FGF12: variants seen among roughly 807,000 people sequenced by gnomAD.
FGF12 encodes the protein fibroblast growth factor 12.
Under a neutral mutation model 23.6 loss-of-function variants are expected in FGF12, and 14 were observed. That is an observed-to-expected ratio of 0.59 (90% CI 0.39 to 0.93). FGF12 has a LOEUF of 0.93. Among genes scored for constraint, FGF12 ranks in the 40% least tolerant of loss-of-function variants. The pLI, the probability that FGF12 is intolerant of heterozygous loss-of-function variation, is 0.00. For synonymous variants in FGF12, 62 were observed against 77.3 expected, an observed-to-expected ratio of 0.80 and a Z score of 1.04; for missense variants, 175 against 217.8, an observed-to-expected ratio of 0.80 and a Z score of 1.24.
chr3:192,446,163 AC>A (rs1249718107), intron 2 of FGF12, among the ~76,000 whole-genome samples: 33 of 152,200 alleles, frequency 2.2e-4, no homozygotes, highest in African/African-American at 8.0e-4. Flanking sequence ...GTGAGACTAT[AC>A]CCAGACACTG....
intron 2 of FGF12, among the ~76,000 whole-genome samples, chr3:192,561,972 T>G (rs191625384): frequency 3.6e-4 from 55 of 151,824 alleles, no homozygotes; most frequent in African/African-American, 1.3e-3. Context: ...GAAGCTTTAT[T>G]CAAGTTAGTA....
intron 4 of FGF12, among the ~76,000 whole-genome samples, chr3:192,280,635 A>G (rs549389856): frequency 1.3e-5 from 2 of 152,168 alleles, no homozygotes; most frequent in South Asian, 4.1e-4. Context: ...TTTTTCTCAC[A>G]ACGAACCCAT....
intron 2 of FGF12, among the ~76,000 whole-genome samples, chr3:192,707,377 G>A (rs1289778992): frequency 6.6e-6 from 1 of 152,136 alleles, no homozygotes; most frequent in Non-Finnish European, 1.5e-5. Context: ...TGTCAAGAAG[G>A]AAGAGAACCA....
At chr3:192,595,725 T>TAG (rs1038943684) in intron 2 of FGF12, among the ~76,000 whole-genome samples, 1 of 152,200 alleles carries the variant, frequency 6.6e-6, no homozygotes, top group African/African-American at 2.4e-5. Context: ...TTGGTCTTGG[T>TAG]AGATTAGAAG....
chr3:192,638,630 T>C (rs1715673324), intron 2 of FGF12, among the ~76,000 whole-genome samples: 1 of 152,240 alleles, frequency 6.6e-6, no homozygotes, highest in South Asian at 2.1e-4. Context: ...AGCAATTGAA[T>C]AATACATTTT....
At chr3:192,596,501 A>G (rs531739952) in intron 2 of FGF12, among the ~76,000 whole-genome samples, 9 of 152,144 alleles carry the variant, frequency 5.9e-5, no homozygotes, top group African/African-American at 2.2e-4. Context: ...TGAATAGGGT[A>G]TGTGTATTAC....
chr3:192,690,310 A>T (rs867627812), intron 2 of FGF12, among the ~76,000 whole-genome samples: 26 of 152,000 alleles, frequency 1.7e-4, no homozygotes, highest in African/African-American at 6.3e-4. Context: ...CACTATAAAG[A>T]TTGAAAGGAA....
chr3:192,312,831 T>C (rs1310134639), intron 4 of FGF12, among the ~76,000 whole-genome samples: 2 of 152,120 alleles, frequency 1.3e-5, no homozygotes, highest in Non-Finnish European at 2.9e-5. Context: ...CCTAACAATT[T>C]AAATATTTTA....
intron 2 of FGF12, among the ~76,000 whole-genome samples, chr3:192,640,641 A>T (rs1170499067): frequency 6.6e-6 from 1 of 152,206 alleles, no homozygotes; most frequent in Non-Finnish European, 1.5e-5. Context: ...AAAATGTGTT[A>T]AAAACTTGAG....
At chr3:192,642,609 A>G (rs749555118) in intron 2 of FGF12, among the ~76,000 whole-genome samples, 6 of 152,252 alleles carry the variant, frequency 3.9e-5, no homozygotes, top group Non-Finnish European at 8.8e-5. Flanking sequence ...TATTCAACAA[A>G]TAAGGTTTTC....
intron 4 of FGF12, among the ~76,000 whole-genome samples, chr3:192,212,934 A>T (rs150653406): frequency 2.0e-5 from 3 of 152,278 alleles, no homozygotes; most frequent in African/African-American, 7.2e-5. Context: ...AAAATCAAAC[A>T]CCCTGTCTGG....
intron 4 of FGF12, among the ~76,000 whole-genome samples, chr3:192,261,403 T>C (rs1366792375): frequency 6.6e-6 from 1 of 152,006 alleles, no homozygotes; most frequent in Non-Finnish European, 1.5e-5. Flanking sequence ...GAGGAGCTAA[T>C]GCTATACTTC....
At chr3:192,549,457 T>C (rs1383310386) in intron 2 of FGF12, among the ~76,000 whole-genome samples, 2 of 152,006 alleles carry the variant, frequency 1.3e-5, no homozygotes, top group African/African-American at 4.8e-5. Context: ...CATGGTAAAG[T>C]GTATAAAGTG....
At chr3:192,524,975 G>A (rs112727581) in intron 2 of FGF12, among the ~76,000 whole-genome samples, 22 of 152,252 alleles carry the variant, frequency 1.4e-4, no homozygotes, top group African/African-American at 4.3e-4. Flanking sequence ...GTAATTATAT[G>A]TGTTGAAATT....
intron 2 of FGF12, among the ~76,000 whole-genome samples, chr3:192,505,863 G>A (rs938301715): frequency 2.6e-5 from 4 of 152,144 alleles, no homozygotes; most frequent in South Asian, 2.1e-4. Context: ...TAGCTCTGGC[G>A]AAGACCAGAC....
At chr3:192,326,658 G>A (rs1442242085) in intron 4 of FGF12, among the ~76,000 whole-genome samples, 2 of 152,178 alleles carry the variant, frequency 1.3e-5, no homozygotes, top group African/African-American at 2.4e-5. Flanking sequence ...TGTTATCACT[G>A]TAATAAAGCC....
chr3:192,206,993 A>C (rs1019977671), intron 4 of FGF12, among the ~76,000 whole-genome samples: 1 of 152,166 alleles, frequency 6.6e-6, no homozygotes, highest in Non-Finnish European at 1.5e-5. Context: ...CATGTATTAG[A>C]CATCAGTCGT....
chr3:192,391,928 G>C (rs1235054765), intron 2 of FGF12, among the ~76,000 whole-genome samples: 1 of 152,196 alleles, frequency 6.6e-6, no homozygotes, highest in Non-Finnish European at 1.5e-5. Context: ...GAGTGGGAGA[G>C]AGGCTGTATT....
intron 2 of FGF12, among the ~76,000 whole-genome samples, chr3:192,435,915 C>T (rs1213439354): frequency 6.6e-6 from 1 of 152,170 alleles, no homozygotes; most frequent in Non-Finnish European, 1.5e-5. Context: ...TTACAATTCC[C>T]TGGCATTTTT....
Sources: allele counts gnomAD v4.1 joint callset (sites outside exome capture counted in the v4.1 genomes callset), GRCh38; gene constraint gnomAD v4.1.1; transcripts MANE v1.5; gene names NCBI Gene and HGNC (gene_info 2026-07-23, HGNC 2026-07-21).